The following MAP6 variants were observed in gnomAD, a reference collection of about 807,000 sequenced individuals.
The protein encoded by MAP6 is microtubule associated protein 6.
Under a neutral mutation model 42.4 loss-of-function variants are expected in MAP6, and 26 were observed. The observed-to-expected ratio is 0.61, with a 90% CI of 0.45 to 0.85. The LOEUF (loss-of-function observed/expected upper bound fraction) is 0.85, where lower values mean the gene tolerates loss of function less well. Among genes scored for constraint, MAP6 ranks in the 40% least tolerant of loss-of-function variants. The probability of loss-of-function intolerance (pLI) is 0.00; values close to 1 mark genes in which losing one functional copy is unlikely to be tolerated. For missense variants in MAP6, 966 were observed against 1,099.0 expected, an observed-to-expected ratio of 0.88 and a Z score of 1.71; for synonymous variants, 418 against 443.8, an observed-to-expected ratio of 0.94 and a Z score of 0.73.
chr11:75,635,593 C>A (rs1943355315), intron 1 of MAP6, among the ~76,000 whole-genome samples: 1 of 152,198 alleles, frequency 6.6e-6, no homozygotes. Flanking sequence ...AATAGAAACT[C>A]ATGGGGATAA....
intron 1 of MAP6, among the ~76,000 whole-genome samples, chr11:75,648,940 A>G (rs774383302): frequency 1.3e-4 from 20 of 152,230 alleles, no homozygotes; most frequent in Non-Finnish European, 2.2e-4. Context: ...CAAAGGGGGT[A>G]CTTTTATATA....
intron 1 of MAP6, among the ~76,000 whole-genome samples, chr11:75,627,497 C>T (rs953270558): frequency 6.6e-6 from 1 of 152,172 alleles, no homozygotes; most frequent in African/African-American, 2.4e-5. Context: ...TGTGTGTGCT[C>T]TGGCCAAACA....
intron 1 of MAP6, among the ~76,000 whole-genome samples, chr11:75,631,720 G>A (rs1329437431): frequency 6.6e-6 from 1 of 152,194 alleles, no homozygotes; most frequent in East Asian, 1.9e-4. Context: ...TTATATCCTC[G>A]GGTGCTTTGA....
chr11:75,665,604 G>A (rs954152938), intron 1 of MAP6, among the ~76,000 whole-genome samples: 8 of 152,188 alleles, frequency 5.3e-5, no homozygotes, highest in Non-Finnish European at 1.2e-4. Flanking sequence ...CTCAGGGTAG[G>A]AAGATCAAGA....
chr11:75,600,629 G>C (rs991350738), intron 3 of MAP6, among the ~76,000 whole-genome samples: 1 of 152,210 alleles, frequency 6.6e-6, no homozygotes, highest in African/African-American at 2.4e-5. Flanking sequence ...GGTGGTGCTA[G>C]GGGTGAAGCC....
chr11:75,636,099 C>T (rs548488995), intron 1 of MAP6: 1 of 152,292 alleles, frequency 6.6e-6, no homozygotes, highest in Non-Finnish European at 1.5e-5. Flanking sequence ...CAGGAAGCTG[C>T]ACTTGAAATG....
rs370613855 is a variant in MAP6, at chr11:75,618,762, GC to G, written c.906-10441del. Among the ~76,000 whole-genome samples the G allele has an allele frequency of 1.1e-4, 17 of 152,292 alleles. No individual in the cohort carries two copies. In the East Asian group the frequency reaches 2.7e-3, roughly 24 times the overall value. ...CATCTGGTCCCTGCCCTGGCCAGAG[GC>G]CCCCCTAAATTGACCTCCTGTCGAT... is the stretch of plus-strand genomic sequence containing the variant. On this transcript the variant is annotated intron_variant, in intron 1 of 3. Transcript: ENST00000304771.
chr11:75,626,355 G>A lies in MAP6; in HGVS notation c.906-18033C>T, dbSNP rs144624201. 2.1e-3 allele frequency among the ~76,000 whole-genome samples: 324 copies of A among 152,224 alleles called. 3 individuals carry two copies. The highest frequency in any genetic ancestry group is 7.2e-3 in the African/African-American group (300 of 41,526). On this transcript the variant is annotated intron_variant, in intron 1 of 3. Transcript: ENST00000304771. ...CCAGTAGAGGCAAAGAAGGTGGAGCGGTAAGGAGGGACCACACACTGGAGC... is the reference window on the plus strand; with the variant it reads ...CCAGTAGAGGCAAAGAAGGTGGAGCAGTAAGGAGGGACCACACACTGGAGC...
At position 75,663,474 on chromosome 11, in the gene MAP6, G is replaced by A. The variant is rs534638145; in HGVS notation, c.905+3991C>T. On this transcript the variant is annotated intron_variant, in intron 1 of 3. Transcript: ENST00000304771. ...TAAAATTTTCAACAAGCCCTAAAAAGTCCATTAGATTCAACAAATCTATAT... is the reference window on the plus strand; with the variant it reads ...TAAAATTTTCAACAAGCCCTAAAAAATCCATTAGATTCAACAAATCTATAT... Among the ~76,000 whole-genome samples the A allele has an allele frequency of 3.3e-5, 5 of 152,182 alleles. No homozygotes were observed. In the South Asian group the frequency reaches 1.0e-3, roughly 32 times the overall value.
chr11:75,624,015 G>A (rs1361869335), intron 1 of MAP6, among the ~76,000 whole-genome samples: 4 of 152,338 alleles, frequency 2.6e-5, no homozygotes, highest in South Asian at 4.1e-4. Flanking sequence ...GGCCAGCAGC[G>A]GGTGGGCAGT....
In MAP6 at chr11:75,667,356, C is replaced by T. The variant is rs1943965156; in HGVS notation, c.905+109G>A. The T allele has an allele frequency of 1.3e-5, 14 of 1,065,664 alleles. No homozygotes were observed. Among genetic ancestry groups the T allele is most frequent in the Admixed American group, 3.9e-5 (1 of 25,564 alleles). 66.0% of individuals were successfully genotyped at this position (1,065,664 alleles called of 1,614,324 possible). A position where few individuals can be genotyped will look rare whatever the true frequency, so the allele number is the denominator to read the frequency against. ...GCTGGGGAGAGGGTGTGGCCTGGGACTGGAGGGAGGCTGCACGCTAGGCCT... is the reference window on the plus strand; with the variant it reads ...GCTGGGGAGAGGGTGTGGCCTGGGATTGGAGGGAGGCTGCACGCTAGGCCT... On this transcript the variant is annotated intron_variant, in intron 1 of 3. Transcript: ENST00000304771. This position sits in a 1 kb window ranked among gnomAD's most constrained non-coding sequence, Gnocchi z 5.6.
At position 75,605,604 on chromosome 11, in the gene MAP6, G is replaced by T. The variant is rs1225376546; in HGVS notation, c.1316+204C>A. 2.6e-5 allele frequency: 35 copies of T among 1,367,866 alleles called. No individual in the cohort carries two copies. In the Middle Eastern group the frequency reaches 1.1e-3, roughly 43 times the overall value. 84.7% of individuals were successfully genotyped at this position (1,367,866 alleles called of 1,614,324 possible). On this transcript the variant is annotated intron_variant, in intron 3 of 3. Coordinates refer to ENST00000304771, the MANE Select transcript of MAP6 (RefSeq NM_033063.2). ...CTGGTGCTCCAGGGGCTGCCCTCAG[G>T]AGGAGGCCTGCCACTCAGTCTGTGA...
chr11:75,612,945 T>C (rs1413848313), intron 1 of MAP6, among the ~76,000 whole-genome samples: 2 of 152,198 alleles, frequency 1.3e-5, no homozygotes, highest in Non-Finnish European at 2.9e-5. Context: ...CATGAGTCCA[T>C]TCTGTCTCTC....
intron 3 of MAP6, chr11:75,604,711 A>G: frequency 2.0e-6 from 2 of 985,386 alleles, no homozygotes; most frequent in Non-Finnish European, 2.4e-6. Flanking sequence ...GACACGGAAT[A>G]TACTGAGAGC....
chr11:75,665,367 TA>T (rs1456712146), intron 1 of MAP6, among the ~76,000 whole-genome samples: 3 of 152,220 alleles, frequency 2.0e-5, no homozygotes, highest in Non-Finnish European at 4.4e-5. Context: ...CACTCATCCA[TA>T]AACAAAGCAA....
chr11:75,605,582 G>A (rs1942747250), intron 3 of MAP6: 1 of 1,327,780 alleles, frequency 7.5e-7, no homozygotes, highest in Non-Finnish European at 9.6e-7. Flanking sequence ...ACGCTTCCTG[G>A]TGCTCCAGGG....
At chr11:75,589,415 A>G (rs1372418560) in intron 3 of MAP6, among the ~76,000 whole-genome samples, 1 of 152,260 alleles carries the variant, frequency 6.6e-6, no homozygotes, top group Non-Finnish European at 1.5e-5. Context: ...GGCATTGCTC[A>G]GCAAGCATCA....
intron 1 of MAP6, among the ~76,000 whole-genome samples, chr11:75,614,599 G>C (rs1942963556): frequency 6.6e-6 from 1 of 152,222 alleles, no homozygotes; most frequent in African/African-American, 2.4e-5. Context: ...AAAGCCATGG[G>C]GGTGAAAAGG....
chr11:75,587,567 T>C lies in MAP6; in HGVS notation c.1934A>G (p.Glu645Gly). The change falls in exon 4 of 4, where the codon GAG (glutamate) becomes GGG (glycine). Residue 645 changes from glutamate to glycine, a missense_variant. By Grantham distance (98) the Glu-to-Gly change is moderately conservative. Coordinates refer to ENST00000304771, the MANE Select transcript of MAP6 (RefSeq NM_033063.2). ...PIKDQDPMVPEHPKDESAMAT... is the reference protein window; with the variant it reads ...PIKDQDPMVPGHPKDESAMAT... ...CATGGCACTTTCATCCTTCGGATGC[T>C]CTGGGACCATGGGATCTTGATCCTT... is the stretch of plus-strand genomic sequence containing the variant. 1 of 1,614,186 alleles carries C rather than the reference T, an allele frequency of 6.2e-7. No homozygotes were observed. Among genetic ancestry groups the C allele is most frequent in the Non-Finnish European group, 8.5e-7 (1 of 1,180,036 alleles).
Sources: allele counts gnomAD v4.1 joint callset (sites outside exome capture counted in the v4.1 genomes callset), GRCh38; gene constraint gnomAD v4.1.1; non-coding constraint Gnocchi (gnomAD v3.1); transcripts MANE v1.5; gene names NCBI Gene and HGNC (gene_info 2026-07-23, HGNC 2026-07-21).